Variants in RRN3 observed in about 807,000 individuals in gnomAD.
RRN3 encodes RNA polymerase I-specific transcription initiation factor RRN3.
A neutral mutation model predicts 82.3 loss-of-function variants in RRN3; 38 were observed. That is an observed-to-expected ratio of 0.46 (90% CI 0.36 to 0.61). The LOEUF (loss-of-function observed/expected upper bound fraction) is 0.61, where lower values mean the gene tolerates loss of function less well. RRN3 is among the 20% of genes least tolerant of loss of function. RRN3 has a pLI of 0.00. For missense variants in RRN3, 726 were observed against 793.1 expected (o/e 0.92, Z 1.02); for synonymous variants, 284 against 284.3 (o/e 1.00, Z 0.01).
chr16:15,066,666 G>T lies in RRN3; in HGVS notation c.1554-1295C>A, dbSNP rs1260771078. On this transcript the variant is annotated intron_variant, in intron 15 of 17. Coordinates refer to ENST00000198767, the MANE Select transcript of RRN3 (RefSeq NM_018427.5). ...AAAAAAAAAAAGACAAAAACTAACA[G>T]ATGAAATCCCAACAAAGACTCAATA... Among the ~76,000 whole-genome samples, 6 of 148,494 alleles carry T rather than the reference G, an allele frequency of 4.0e-5. No individual in the cohort carries two copies. The South Asian group carries it at 8.6e-4, about 21-fold the overall frequency.
intron 5 of RRN3, 57 bp from the exon 6 acceptor site, chr16:15,085,755 T>C (rs2045893398): frequency 6.2e-7 from 1 of 1,605,404 alleles, no homozygotes; most frequent in Admixed American, 1.7e-5. Context: ...AATGAATGGC[T>C]ATACAAAAAA....
At chr16:15,075,902 G>A (rs2045433425) in intron 10 of RRN3, among the ~76,000 whole-genome samples, 1 of 152,134 alleles carries the variant, frequency 6.6e-6, no homozygotes, top group Non-Finnish European at 1.5e-5. Flanking sequence ...GCTGCCCTGA[G>A]CAGAAAGGAG....
chr16:15,083,017 G>C (rs2045768050), intron 8 of RRN3, among the ~76,000 whole-genome samples: 1 of 152,190 alleles, frequency 6.6e-6, no homozygotes, highest in South Asian at 2.1e-4. Flanking sequence ...AAAAGGCACT[G>C]GGAATCCCCA....
chr16:15,083,353 G>T (rs1052111628), intron 8 of RRN3, among the ~76,000 whole-genome samples, 160 bp downstream of exon 8: 3 of 151,998 alleles, frequency 2.0e-5, no homozygotes, highest in African/African-American at 7.3e-5. Context: ...GAGCCAAGAT[G>T]ACGCCATTGC....
chr16:15,083,419 A>C, intron 8 of RRN3, 94 bp downstream of exon 8: 6 of 1,547,218 alleles, frequency 3.9e-6, no homozygotes, highest in East Asian at 2.3e-5. Flanking sequence ...AAGAAAAAGA[A>C]AGACTGGAAA....
intron 12 of RRN3, among the ~76,000 whole-genome samples, chr16:15,072,554 C>T (rs1000589940): frequency 3.3e-5 from 5 of 152,054 alleles, no homozygotes; most frequent in African/African-American, 9.7e-5. Context: ...GTAATCCCAA[C>T]GCTTTGCGGG....
Position 15,070,242 on chromosome 16 carries a change from T to C in RRN3, c.1272A>G (p.Ser424=). ...GCCAGTTAACCAAAAGATCTAGGCA[T>C]GATTTTACAGTACTAGAGAAAAGAA... is the stretch of plus-strand genomic sequence containing the variant. ...AKFIPLITVK[S]CLDLLVNWLH... The change falls in exon 14 of 18, where the codon TCA becomes TCG. Residue 424 remains serine, a synonymous_variant. Coordinates refer to ENST00000198767, the MANE Select transcript of RRN3 (RefSeq NM_018427.5). 6.2e-7 allele frequency: 1 copy of C among 1,611,426 alleles called. No homozygotes were observed. The highest frequency in any genetic ancestry group is 8.5e-7 in the Non-Finnish European group (1 of 1,179,770).
At chr16:15,084,005 C>T (rs1373776509) in intron 7 of RRN3, among the ~76,000 whole-genome samples, 8 of 152,176 alleles carry the variant, frequency 5.3e-5, no homozygotes, top group Non-Finnish European at 1.0e-4. Context: ...CGTGAGCCAC[C>T]GCGCCCGGCC....
chr16:15,070,471 C>A (rs1270756675), intron 13 of RRN3, among the ~76,000 whole-genome samples: 1 of 151,778 alleles, frequency 6.6e-6, no homozygotes, highest in Non-Finnish European at 1.5e-5. Flanking sequence ...TAGCTCTGAC[C>A]TTCTAGGAAC....
rs1411298685 is a variant in RRN3 at position 15,087,660 on chromosome 16, C to G, written c.253-1206G>C. ...TTTGTACTATGGTAATTTCATATGT[C>G]CACAACTGTTAAGGATAACATTAAC... On this transcript the variant is annotated intron_variant, in intron 3 of 17. Coordinates refer to ENST00000198767, the MANE Select transcript of RRN3 (RefSeq NM_018427.5). Among the ~76,000 whole-genome samples, 3 of 152,118 alleles carry G rather than the reference C, an allele frequency of 2.0e-5. No individual in the cohort carries two copies. In the East Asian group the frequency reaches 5.8e-4, roughly 29 times the overall value.
chr16:15,092,539 A>G lies in RRN3; in HGVS notation c.165T>C (p.Thr55=). 1 of 1,613,242 alleles carries G rather than the reference A, an allele frequency of 6.2e-7. No homozygotes were observed. The highest frequency in any genetic ancestry group is 8.5e-7 in the Non-Finnish European group (1 of 1,179,190). ...TGTACTTCAGCAAGACTTCTGTCAC[A>G]GTTCCACCAAACCGAACAGTTTTTC... ...PPRKTVRFGG[T]VTEVLLKYKK... is the part of the protein sequence containing the mutation. Residue 55 remains threonine (T), a synonymous_variant, in exon 2 of 18, where the codon ACT becomes ACC. Transcript: ENST00000198767.
chr16:15,073,185 G>C, intron 11 of RRN3, 105 bp from the exon 12 acceptor site: 2 of 1,309,790 alleles, frequency 1.5e-6, no homozygotes, highest in Non-Finnish European at 2.1e-6. Context: ...ACATTATCCA[G>C]CCAAGCACAG....
rs2044702331 is a variant in RRN3, at chr16:15,061,330, C to A, written c.*414G>T. 1 of 176,378 alleles carries A rather than the reference C, an allele frequency of 5.7e-6. No individual in the cohort carries two copies. Among genetic ancestry groups the A allele is most frequent in the South Asian group, 2.0e-4 (1 of 5,036 alleles). 10.9% of individuals were successfully genotyped at this position (176,378 alleles called of 1,614,324 possible). A position where few individuals can be genotyped will look rare whatever the true frequency, so the allele number is the denominator to read the frequency against. On this transcript the variant is annotated 3_prime_UTR_variant, in exon 18 of 18. Transcript: ENST00000198767. ...AAGTTTTATCTTAGAGGATTCTTCACTGAAAGCTCATCAGTCAAGTCCTAA... is the reference window on the plus strand; with the variant it reads ...AAGTTTTATCTTAGAGGATTCTTCAATGAAAGCTCATCAGTCAAGTCCTAA...
Position 15,092,546 on chromosome 16 carries a change from C to G in RRN3, c.158G>C (p.Gly53Ala). Residue 53 changes from glycine to alanine, a missense_variant, in exon 2 of 18, where the codon GGT becomes GCT. Around this residue, in one of 4 missense-constraint regions of RRN3, gnomAD observed 135 missense variants for 87.4 expected, o/e 1.55. Coordinates refer to ENST00000198767, the MANE Select transcript of RRN3 (RefSeq NM_018427.5). ...NSPPRKTVRF[G>A]GTVTEVLLKY... ...CAGCAAGACTTCTGTCACAGTTCCACCAAACCGAACAGTTTTTCTTGGGGG... is the reference window on the plus strand; with the variant it reads ...CAGCAAGACTTCTGTCACAGTTCCAGCAAACCGAACAGTTTTTCTTGGGGG... 6.2e-7 allele frequency: 1 copy of G among 1,613,574 alleles called. No homozygotes were observed. The highest frequency in any genetic ancestry group is 1.1e-5 in the South Asian group (1 of 91,054).
Position 15,092,601 on chromosome 16 carries a change from G to A in RRN3, c.103C>T (p.Arg35Cys), listed in dbSNP as rs202026072. ...TTGAAAAAGTCATTCTCTAATGCAC[G>A]CATATTTGAAATCCTGTGGAACCAA... Reference protein sequence around the residue: ...GASRTGISNMRALENDFFNSP... With the variant: ...GASRTGISNMCALENDFFNSP... The change falls in exon 2 of 18, where the codon CGT (arginine) becomes TGT (cysteine). Residue 35 changes from arginine to cysteine, a missense_variant. By Grantham distance (180) the Arg-to-Cys change is radical. Coordinates refer to ENST00000198767, the MANE Select transcript of RRN3 (RefSeq NM_018427.5). The A allele has an allele frequency of 1.0e-5, 16 of 1,606,820 alleles. No homozygotes were observed. The highest frequency in any genetic ancestry group is 1.2e-5 in the Non-Finnish European group (14 of 1,174,064).
intron 16 of RRN3, among the ~76,000 whole-genome samples, chr16:15,064,225 G>T (rs2044853443): frequency 1.3e-5 from 2 of 151,982 alleles, no homozygotes; most frequent in Admixed American, 6.6e-5. Context: ...GCCCAGGCTG[G>T]AGTGCATTGG....
Position 15,083,497 on chromosome 16 carries a change from T to C in RRN3, c.666+16A>G. 2 of 1,608,574 alleles carry C rather than the reference T, an allele frequency of 1.2e-6. No individual in the cohort carries two copies. Among genetic ancestry groups the C allele is most frequent in the Non-Finnish European group, 1.7e-6 (2 of 1,178,948 alleles). Reference sequence around the variant, plus strand: ...AACAACTTTTCCATGATGTTCTCAATGAAAAGATTTCTTACCAGTGTTCTC... The same window carrying C: ...AACAACTTTTCCATGATGTTCTCAACGAAAAGATTTCTTACCAGTGTTCTC... On this transcript the variant is annotated intron_variant, in intron 8 of 17. Transcript: ENST00000198767.
At chr16:15,089,786 CAAAAAAAAAAAA>C (rs142235345) in intron 3 of RRN3, among the ~76,000 whole-genome samples, 13 of 66,580 alleles carry the variant, frequency 2.0e-4, no homozygotes, top group Middle Eastern at 0.016. Flanking sequence ...GGCGACAGAG[CAAAAAAAAAAAA>C]AAAAAAAAAA....
intron 17 of RRN3, among the ~76,000 whole-genome samples, chr16:15,062,686 G>T (rs1327967609): frequency 2.0e-5 from 3 of 147,830 alleles, no homozygotes; most frequent in African/African-American, 7.3e-5. Context: ...GTAAGAATGC[G>T]CAAGTGGCAA....
Sources: gnomAD v4.1 joint callset for allele counts (sites outside exome capture counted in the v4.1 genomes callset) on GRCh38, gnomAD v4.1.1 for gene constraint, gnomAD v4.1.1 regional missense constraint, MANE v1.5 for transcripts, NCBI Gene and HGNC (gene_info 2026-07-23, HGNC 2026-07-21) for gene names.